The following POLA2 variants were observed in gnomAD, a reference collection of about 807,000 sequenced individuals.
POLA2 encodes the protein DNA polymerase alpha 2, accessory subunit.
In POLA2, 47 loss-of-function variants were observed where a neutral mutation model predicts 82.8. That is an observed-to-expected ratio of 0.57 (90% CI 0.45 to 0.72). The LOEUF is 0.72. Ranked by LOEUF, POLA2 falls within the 30% of genes least tolerant of loss-of-function variation. POLA2 has a pLI of 0.00. For synonymous variants in POLA2, 287 were observed against 286.8 expected, an observed-to-expected ratio of 1.00 and a Z score of -0.01; for missense variants, 634 against 728.1, an observed-to-expected ratio of 0.87 and a Z score of 1.49.
At chr11:65,293,690 C>T (rs748926674) in intron 13 of POLA2, among the ~76,000 whole-genome samples, 2 of 151,730 alleles carry the variant, frequency 1.3e-5, no homozygotes, top group East Asian at 1.9e-4. Context: ...CAGCTCCATG[C>T]ACCCTACCAA....
At chr11:65,304,298 TCCACCCAC>T (rs1342150219) in intron 8 of POLA2, among the ~76,000 whole-genome samples, 3 of 150,548 alleles carry the variant, frequency 2.0e-5, no homozygotes, top group African/African-American at 4.9e-5. Context: ...CATCCTTCCA[TCCACCCAC>T]CCACCCACTC....
In POLA2 at chr11:65,275,910, A is replaced by C. The variant is rs1184083467; in HGVS notation, c.373A>C (p.Ile125Leu). The change falls in exon 5 of 18, where the codon ATC becomes CTC. Residue 125 changes from isoleucine (I) to leucine (L), a missense_variant. By Grantham distance (5) the Ile-to-Leu change is conservative. Transcript: ENST00000265465. ...TCCCTAGGGTTCTCAGAAGCGAGCTATCTCTACCCCAGAAACCCCCCTAAC... is the reference window on the plus strand; with the variant it reads ...TCCCTAGGGTTCTCAGAAGCGAGCTCTCTCTACCCCAGAAACCCCCCTAAC... ...TPSKGSQKRA[I>L]STPETPLTKR... 6.2e-7 allele frequency: 1 copy of C among 1,606,808 alleles called. No homozygotes were observed.
In POLA2 at chr11:65,297,522, G is replaced by C. The variant is rs566850487; in HGVS notation, c.*253G>C. 1 of 361,794 alleles carries C rather than the reference G, an allele frequency of 2.8e-6. No homozygotes were observed. The highest frequency in any genetic ancestry group is 2.1e-5 in the African/African-American group (1 of 47,734). 22.4% of individuals were successfully genotyped at this position (361,794 alleles called of 1,614,324 possible). ...CGTGTCCAGAAGTAAGCCAGCTGTG[G>C]ATCCCGCCCACTCAGAAAAGGCGAG... On this transcript the variant is annotated 3_prime_UTR_variant, in exon 18 of 18. Transcript: ENST00000265465.
chr11:65,265,770 T>G (rs1055917786), intron 1 of POLA2, among the ~76,000 whole-genome samples: 6 of 152,220 alleles, frequency 3.9e-5, no homozygotes, highest in Non-Finnish European at 7.3e-5. Context: ...AGCCACTGCA[T>G]CCGGCTTACT....
rs376430068 is a variant in POLA2, at chr11:65,284,829, C to G, written c.1006+2308C>G. Among the ~76,000 whole-genome samples the G allele has an allele frequency of 1.9e-3, 283 of 152,266 alleles. 2 individuals carry two copies. Among genetic ancestry groups the G allele is most frequent in the African/African-American group, 6.6e-3 (276 of 41,568 alleles). ...GGCATGAGTCACCACACCCAACCCT[C>G]AAGGCATTTTTGTAAGCACAGTGGA... On this transcript the variant is annotated intron_variant, in intron 10 of 17. Coordinates refer to ENST00000265465, the MANE Select transcript of POLA2 (RefSeq NM_002689.4).
intron 10 of POLA2, 27 bp from the exon 11 acceptor site, chr11:65,287,689 A>G: frequency 6.2e-7 from 1 of 1,602,084 alleles, no homozygotes; most frequent in Non-Finnish European, 8.5e-7. Flanking sequence ...GTCCTCTTCT[A>G]ATCAAGACCT....
chr11:65,275,782 A>G (rs1222165856), intron 4 of POLA2, 110 bp from the exon 5 acceptor site: 1 of 519,278 alleles, frequency 1.9e-6, no homozygotes, highest in South Asian at 3.5e-5. Flanking sequence ...ACCCAGTCCT[A>G]TTTTGTGCCT....
intron 1 of POLA2, among the ~76,000 whole-genome samples, chr11:65,264,948 C>A (rs534806441): frequency 6.6e-6 from 1 of 152,150 alleles, no homozygotes; most frequent in Non-Finnish European, 1.5e-5. Flanking sequence ...TCAAAAGGGT[C>A]GGCCGGGTGC....
At chr11:65,299,145 C>T (rs1466593169), downstream of POLA2, among the ~76,000 whole-genome samples, 3 of 152,324 alleles carry the variant, frequency 2.0e-5, no homozygotes, top group African/African-American at 7.2e-5. Flanking sequence ...TATTCTCAAG[C>T]AGGCTCTGGG....
chr11:65,271,753 C>T (rs891595025), intron 4 of POLA2, among the ~76,000 whole-genome samples: 3 of 150,212 alleles, frequency 2.0e-5, no homozygotes, highest in Non-Finnish European at 3.0e-5. Flanking sequence ...GCAGGAGAAT[C>T]GCTTGAACCC....
chr11:65,297,327 C>A lies in POLA2; in HGVS notation c.*58C>A. Reference sequence around the variant, plus strand: ...GGCCCTTAAAGTCTTAGCCAAGAGCCAAGACATAGCCCTGTGACAAGGTGA... The same window carrying A: ...GGCCCTTAAAGTCTTAGCCAAGAGCAAAGACATAGCCCTGTGACAAGGTGA... On this transcript the variant is annotated 3_prime_UTR_variant, in exon 18 of 18. Coordinates refer to ENST00000265465, the MANE Select transcript of POLA2 (RefSeq NM_002689.4). The A allele has an allele frequency of 6.6e-7, 1 of 1,503,868 alleles. No individual in the cohort carries two copies. Among genetic ancestry groups the A allele is most frequent in the Non-Finnish European group, 8.9e-7 (1 of 1,126,586 alleles). The allele number at this position is 1,503,868 out of a possible 1,614,324, so 93.2% of individuals were successfully genotyped here.
chr11:65,280,901 C>T, intron 7 of POLA2, 91 bp from the exon 8 acceptor site: 1 of 1,232,886 alleles, frequency 8.1e-7, no homozygotes, highest in Non-Finnish European at 1.2e-6. Flanking sequence ...TTGTTGTTTG[C>T]AGTTTGTTTT....
Position 65,266,724 on chromosome 11 carries a change from G to C in POLA2, c.204+18G>C, listed in dbSNP as rs1437570945. 1 of 1,613,426 alleles carries C rather than the reference G, an allele frequency of 6.2e-7. No homozygotes were observed. The highest frequency in any genetic ancestry group is 1.3e-5 in the African/African-American group (1 of 74,912). ...AGCATGAGGTAAGAACAAAATGAAA[G>C]CAAACTAATAATGTGATTCTCCATT... is the stretch of plus-strand genomic sequence containing the variant. On this transcript the variant is annotated intron_variant, in intron 2 of 17. Coordinates refer to ENST00000265465, the MANE Select transcript of POLA2 (RefSeq NM_002689.4).
rs1282258347 is a variant in POLA2, at chr11:65,273,089, G to A, written c.355-2803G>A. Among the ~76,000 whole-genome samples, 6 of 149,332 alleles carry A rather than the reference G, an allele frequency of 4.0e-5. No individual in the cohort carries two copies. In the South Asian group the frequency reaches 8.5e-4, roughly 21 times the overall value. On this transcript the variant is annotated intron_variant, in intron 4 of 17. Coordinates refer to ENST00000265465, the MANE Select transcript of POLA2 (RefSeq NM_002689.4). Reference sequence around the variant, plus strand: ...AATCCTAGCACTTTGGGAGGCCAAGGTGGATGGATCACCTGAGGTCAGGAG... The same window carrying A: ...AATCCTAGCACTTTGGGAGGCCAAGATGGATGGATCACCTGAGGTCAGGAG...
chr11:65,267,703 T>C (rs1356093613), intron 3 of POLA2, 135 bp downstream of exon 3: 2 of 513,302 alleles, frequency 3.9e-6, no homozygotes, highest in Non-Finnish European at 6.8e-6. Flanking sequence ...CCAGCACTTT[T>C]GGAGGCCGAG....
At chr11:65,304,555 G>A (rs1034111924) in intron 8 of POLA2, among the ~76,000 whole-genome samples, 2 of 152,166 alleles carry the variant, frequency 1.3e-5, no homozygotes, top group Non-Finnish European at 2.9e-5. Flanking sequence ...AAATGACAAC[G>A]CCACGGAGAG....
intron 11 of POLA2, 133 bp downstream of exon 11, chr11:65,287,973 G>A: frequency 1.0e-6 from 1 of 979,610 alleles, no homozygotes. Context: ...CTACATCTTT[G>A]GAGAGGTATA....
Position 65,278,723 on chromosome 11 carries a change from C to T in POLA2, c.462-7C>T. ...CAGTAATATTAACCTGTTTTGCTTC[C>T]AATTAGTGCTACTCCCTCCCAGAAA... is the stretch of plus-strand genomic sequence containing the variant. On this transcript the variant is annotated splice_region_variant and splice_polypyrimidine_tract_variant and intron_variant, in intron 5 of 17. Coordinates refer to ENST00000265465, the MANE Select transcript of POLA2 (RefSeq NM_002689.4). 2 of 1,610,324 alleles carry T rather than the reference C, an allele frequency of 1.2e-6. No homozygotes were observed. The highest frequency in any genetic ancestry group is 1.7e-5 in the Admixed American group (1 of 59,630).
intron 13 of POLA2, 70 bp downstream of exon 13, chr11:65,289,942 T>G (rs185239489): frequency 9.7e-7 from 1 of 1,027,598 alleles, no homozygotes; most frequent in African/African-American, 1.6e-5. Context: ...ATTAAGAAAC[T>G]GAAACTGCTT....
Sources: allele counts gnomAD v4.1 joint callset (sites outside exome capture counted in the v4.1 genomes callset), GRCh38; gene constraint gnomAD v4.1.1; transcripts MANE v1.5; gene names NCBI Gene and HGNC (gene_info 2026-07-23, HGNC 2026-07-21).